Variants in XKR9 observed in about 807,000 individuals in gnomAD.
XKR9 encodes the protein XK-related protein 9.
A neutral mutation model predicts 32.0 loss-of-function variants in XKR9; 32 were observed. That is an observed-to-expected ratio of 1.00 (90% CI 0.76 to 1.34). The LOEUF (loss-of-function observed/expected upper bound fraction) is 1.34. Ranked by LOEUF, XKR9 falls within the 40% of genes most tolerant of loss-of-function variation. The pLI is 0.00. For synonymous variants in XKR9, 168 were observed against 143.4 expected (o/e 1.17, Z -1.22); for missense variants, 546 against 429.7 (o/e 1.27, Z -2.39).
intron 3 of XKR9, among the ~76,000 whole-genome samples, chr8:70,681,545 A>G (rs1472032231): frequency 6.6e-6 from 1 of 152,086 alleles, no homozygotes; most frequent in Non-Finnish European, 1.5e-5. Flanking sequence ...TTATCTAATT[A>G]GGTTTTTTCT....
At chr8:70,693,217 A>G (rs899872984) in intron 3 of XKR9, among the ~76,000 whole-genome samples, 2 of 152,088 alleles carry the variant, frequency 1.3e-5, no homozygotes, top group Admixed American at 6.6e-5. Flanking sequence ...TAGTCAATAG[A>G]CTTCTTTTCT....
the XKR9 span, among the ~76,000 whole-genome samples, chr8:70,869,668 T>C: frequency 2.0e-5 from 3 of 152,188 alleles, no homozygotes; most frequent in Admixed American, 6.5e-5. Context: ...CACCCTTCCT[T>C]ACCCATTGCA....
chr8:70,970,764 A>ACGC, the XKR9 span, among the ~76,000 whole-genome samples: 1 of 152,134 alleles, frequency 6.6e-6, no homozygotes, highest in South Asian at 2.1e-4. Flanking sequence ...TGAATAGTTA[A>ACGC]CGCCAGTTAG....
chr8:71,053,925 T>C, the XKR9 span, among the ~76,000 whole-genome samples: 4 of 152,208 alleles, frequency 2.6e-5, no homozygotes, highest in African/African-American at 9.7e-5. Flanking sequence ...AGCTAATAAG[T>C]GCACGAATCA....
intron 3 of XKR9, among the ~76,000 whole-genome samples, chr8:70,692,957 T>C (rs1296730499): frequency 6.6e-6 from 1 of 152,228 alleles, no homozygotes; most frequent in Admixed American, 6.5e-5. Flanking sequence ...AATGTTCAGT[T>C]TTATCAAAAG....
the XKR9 span, among the ~76,000 whole-genome samples, chr8:70,961,975 A>AT: frequency 6.6e-6 from 1 of 152,200 alleles, no homozygotes; most frequent in Non-Finnish European, 1.5e-5. Context: ...ATTTTAAAAA[A>AT]TTATTTTGGG....
At chr8:70,889,616 A>C in the XKR9 span, among the ~76,000 whole-genome samples, 1 of 151,682 alleles carries the variant, frequency 6.6e-6, no homozygotes, top group Non-Finnish European at 1.5e-5. Context: ...TGAGTACCTG[A>C]TATTTAGTTT....
At chr8:70,782,164 G>A (rs555879321) in intron 2 of XKR9, among the ~76,000 whole-genome samples, 1 of 152,276 alleles carries the variant, frequency 6.6e-6, no homozygotes, top group South Asian at 2.1e-4. Context: ...CAGCACAGCT[G>A]CTATCTTAGA....
downstream of XKR9, among the ~76,000 whole-genome samples, chr8:70,792,397 G>A (rs1024715891): frequency 6.6e-6 from 1 of 152,084 alleles, no homozygotes; most frequent in Non-Finnish European, 1.5e-5. Flanking sequence ...GGCTATATCT[G>A]TAGTAGTTAA....
intron 2 of XKR9, among the ~76,000 whole-genome samples, chr8:70,745,319 G>C (rs1261228643): frequency 6.6e-6 from 1 of 152,010 alleles, no homozygotes. Flanking sequence ...ACTAAATTTT[G>C]GGCTTTTTCT....
chr8:70,812,361 T>A, the XKR9 span, among the ~76,000 whole-genome samples: 4 of 152,232 alleles, frequency 2.6e-5, no homozygotes, highest in African/African-American at 7.2e-5. Context: ...AACTGGAAGC[T>A]TTCTCTTTGA....
At chr8:70,899,430 GTT>G in the XKR9 span, among the ~76,000 whole-genome samples, 99 of 135,452 alleles carry the variant, frequency 7.3e-4, no homozygotes, top group African/African-American at 2.5e-3. Flanking sequence ...CAGGAAGACA[GTT>G]TTTTTTTTTT....
chr8:70,859,535 A>G, the XKR9 span, among the ~76,000 whole-genome samples: 2 of 152,172 alleles, frequency 1.3e-5, no homozygotes, highest in African/African-American at 4.8e-5. Context: ...TTGAAAAGAT[A>G]CCTGCATTCC....
At chr8:71,038,405 C>G in the XKR9 span, among the ~76,000 whole-genome samples, 1 of 150,924 alleles carries the variant, frequency 6.6e-6, no homozygotes, top group Non-Finnish European at 1.5e-5. Context: ...ACTACAACCT[C>G]TGCCTCCCAG....
chr8:70,689,498 A>ATT (rs1357332990), intron 3 of XKR9, among the ~76,000 whole-genome samples: 4 of 148,164 alleles, frequency 2.7e-5, no homozygotes, highest in South Asian at 2.1e-4. Flanking sequence ...ATATATATGT[A>ATT]TTATATATAT....
the XKR9 span, among the ~76,000 whole-genome samples, chr8:70,846,200 C>G: frequency 6.6e-6 from 1 of 151,928 alleles, no homozygotes; most frequent in Non-Finnish European, 1.5e-5. Flanking sequence ...CCTTACTTAC[C>G]AAAGTTATCC....
chr8:70,948,825 A>G, the XKR9 span, among the ~76,000 whole-genome samples: 1 of 152,236 alleles, frequency 6.6e-6, no homozygotes, highest in African/African-American at 2.4e-5. Flanking sequence ...TAGTGGAATA[A>G]AAGCTCAGGA....
chr8:70,843,517 G>T, the XKR9 span, among the ~76,000 whole-genome samples: 2 of 152,114 alleles, frequency 1.3e-5, no homozygotes, highest in Admixed American at 1.3e-4. Flanking sequence ...ATAGTAAGTG[G>T]ATAATCCCAC....
chr8:71,008,720 G>C, the XKR9 span, among the ~76,000 whole-genome samples: 1 of 152,168 alleles, frequency 6.6e-6, no homozygotes, highest in Non-Finnish European at 1.5e-5. Flanking sequence ...TCGACCTCCT[G>C]AGCTCATGCA....
Sources: allele counts gnomAD v4.1 joint callset (sites outside exome capture counted in the v4.1 genomes callset), GRCh38; gene constraint gnomAD v4.1.1; transcripts MANE v1.5; gene names NCBI Gene and HGNC (gene_info 2026-07-23, HGNC 2026-07-21).